The following DYNC1I1 variants were observed in gnomAD, a reference collection of about 807,000 sequenced individuals.
DYNC1I1 encodes the protein dynein cytoplasmic 1 intermediate chain 1, also known as cytoplasmic dynein 1 intermediate chain 1.
Under a neutral mutation model 86.6 loss-of-function variants are expected in DYNC1I1, and 43 were observed. That is an observed-to-expected ratio of 0.50 (90% CI 0.39 to 0.64). The LOEUF (loss-of-function observed/expected upper bound fraction) is 0.64, where lower values mean the gene tolerates loss of function less well. DYNC1I1 is among the 30% of genes least tolerant of loss of function. DYNC1I1 has a pLI of 0.00. For synonymous variants in DYNC1I1, 262 were observed against 283.7 expected (o/e 0.92, Z 0.77); for missense variants, 604 against 788.8 (o/e 0.77, Z 2.81).
At chr7:96,040,723 T>TC (rs1344033279) in intron 14 of DYNC1I1, among the ~76,000 whole-genome samples, 3 of 151,750 alleles carry the variant, frequency 2.0e-5, no homozygotes, top group African/African-American at 7.3e-5. Flanking sequence ...GTAGTTTTTT[T>TC]TTTTTTTCTT....
At chr7:96,074,630 A>C (rs1294541209) in intron 14 of DYNC1I1, among the ~76,000 whole-genome samples, 3 of 152,166 alleles carry the variant, frequency 2.0e-5, no homozygotes, top group Non-Finnish European at 4.4e-5. Flanking sequence ...AGTCCATAGA[A>C]AGAGAACTCA....
chr7:95,956,892 G>T (rs752240091), intron 6 of DYNC1I1, among the ~76,000 whole-genome samples: 69 of 152,256 alleles, frequency 4.5e-4, no homozygotes, highest in Non-Finnish European at 8.5e-4. Context: ...ACATGATGCA[G>T]TTAAAAACAT....
At chr7:96,065,366 TTTTC>T (rs1336479543) in intron 14 of DYNC1I1, among the ~76,000 whole-genome samples, 5 of 141,138 alleles carry the variant, frequency 3.5e-5, no homozygotes, top group Non-Finnish European at 3.1e-5. Flanking sequence ...TCTTTTCTTT[TTTTC>T]TTTCTTTCTT....
At chr7:95,832,138 T>C in intron 5 of DYNC1I1, among the ~76,000 whole-genome samples, 1 of 89,500 alleles carries the variant, frequency 1.1e-5, no homozygotes, top group East Asian at 4.0e-4. Flanking sequence ...CCCACAACAG[T>C]CCCCAGAGTG....
chr7:95,927,127 C>T (rs996705983), intron 6 of DYNC1I1, among the ~76,000 whole-genome samples: 1 of 151,926 alleles, frequency 6.6e-6, no homozygotes, highest in Non-Finnish European at 1.5e-5. Context: ...TGAATCTTCC[C>T]AAGCAAAGAG....
chr7:95,934,249 A>G (rs929680624), intron 6 of DYNC1I1, among the ~76,000 whole-genome samples: 5 of 152,152 alleles, frequency 3.3e-5, no homozygotes, highest in Non-Finnish European at 5.9e-5. Context: ...GTTACTGAGT[A>G]CTTCTGGAGT....
At chr7:95,983,820 G>GT (rs1452110416) in intron 7 of DYNC1I1, among the ~76,000 whole-genome samples, 3 of 152,118 alleles carry the variant, frequency 2.0e-5, no homozygotes, top group Non-Finnish European at 2.9e-5. Flanking sequence ...CCCTCCTCCT[G>GT]TAAGTTTAAC....
At chr7:96,049,065 A>G (rs1435098922) in intron 14 of DYNC1I1, among the ~76,000 whole-genome samples, 2 of 151,870 alleles carry the variant, frequency 1.3e-5, no homozygotes, top group Non-Finnish European at 2.9e-5. Context: ...TGAGACCATC[A>G]CGGCTAACAC....
In DYNC1I1 at chr7:95,984,949, A is replaced by G. The variant is rs767642269; in HGVS notation, c.715A>G (p.Ser239Gly). The change falls in exon 8 of 17, where the codon AGC (serine) becomes GGC (glycine). Residue 239 changes from serine (S) to glycine (G), a missense_variant. Ser to Gly is a moderately conservative substitution (Grantham distance 56, BLOSUM62 0). Coordinates refer to ENST00000447467, the MANE Select transcript of DYNC1I1 (RefSeq NM_001135556.2). ...AEDSDIFFDY[S>G]GRELEEKDGD... ...AGATTCCGACATCTTTTTTGACTAC[A>G]GCGGCCGAGAGTTAGAGGAAAAAGA... The G allele has an allele frequency of 3.0e-5, 48 of 1,613,290 alleles. No individual in the cohort carries two copies. The South Asian group carries it at 5.3e-4, about 18-fold the overall frequency.
chr7:96,023,367 G>A (rs1456594562), intron 10 of DYNC1I1, among the ~76,000 whole-genome samples: 3 of 152,146 alleles, frequency 2.0e-5, no homozygotes, highest in Non-Finnish European at 4.4e-5. Flanking sequence ...TGCCACGCAC[G>A]GAAGGTCACA....
chr7:95,940,663 A>G (rs1186720452), intron 6 of DYNC1I1, among the ~76,000 whole-genome samples: 1 of 152,176 alleles, frequency 6.6e-6, no homozygotes, highest in Non-Finnish European at 1.5e-5. Flanking sequence ...TCCTTTAAGC[A>G]CTTCTCTGTA....
At chr7:96,059,939 C>A (rs1376890196) in intron 14 of DYNC1I1, among the ~76,000 whole-genome samples, 1 of 152,138 alleles carries the variant, frequency 6.6e-6, no homozygotes, top group Non-Finnish European at 1.5e-5. Flanking sequence ...GTGGCTTAGA[C>A]TCTGTTCTAA....
At chr7:96,025,791 C>T (rs1035070245) in intron 10 of DYNC1I1, among the ~76,000 whole-genome samples, 8 of 151,970 alleles carry the variant, frequency 5.3e-5, no homozygotes, top group Non-Finnish European at 1.0e-4. Context: ...ATAAATACCT[C>T]CACTGCTGGT....
chr7:95,934,952 T>TTGTGTGTGTG (rs145382652), intron 6 of DYNC1I1, among the ~76,000 whole-genome samples: 40 of 149,078 alleles, frequency 2.7e-4, no homozygotes, highest in African/African-American at 9.6e-4. Flanking sequence ...GTTTTTTGTT[T>TTGTGTGTGTG]TGTGTGTGTG....
At chr7:95,785,522 A>C (rs951899249) in intron 1 of DYNC1I1, among the ~76,000 whole-genome samples, 2 of 151,918 alleles carry the variant, frequency 1.3e-5, no homozygotes, top group African/African-American at 2.4e-5. Context: ...TCCTTTATTC[A>C]TTCATTCACT....
At chr7:96,010,853 G>A (rs1436632777) in intron 10 of DYNC1I1, among the ~76,000 whole-genome samples, 1 of 152,178 alleles carries the variant, frequency 6.6e-6, no homozygotes, top group African/African-American at 2.4e-5. Context: ...AGTTTGCATT[G>A]CCAGATGCTT....
chr7:96,035,588 A>T, intron 12 of DYNC1I1, 31 bp from the exon 13 acceptor site: 1 of 1,550,588 alleles, frequency 6.4e-7, no homozygotes. Context: ...GAGTTGACAG[A>T]TGGAAATGTA....
chr7:95,985,928 T>C (rs1315898875), intron 8 of DYNC1I1, among the ~76,000 whole-genome samples: 10 of 152,030 alleles, frequency 6.6e-5, no homozygotes, highest in Admixed American at 4.6e-4. Flanking sequence ...CTTTGTGTTT[T>C]TTTGAAAAGC....
chr7:96,023,076 A>G (rs1222810702), intron 10 of DYNC1I1, among the ~76,000 whole-genome samples: 1 of 151,950 alleles, frequency 6.6e-6, no homozygotes, highest in Non-Finnish European at 1.5e-5. Context: ...CAAAAGAAAT[A>G]TCTTTGTGGG....
Sources: allele counts gnomAD v4.1 joint callset (sites outside exome capture counted in the v4.1 genomes callset), GRCh38; gene constraint gnomAD v4.1.1; transcripts MANE v1.5; gene names NCBI Gene and HGNC (gene_info 2026-07-23, HGNC 2026-07-21).